SLC43A2: variants seen among roughly 807,000 people sequenced by gnomAD.
SLC43A2 encodes large neutral amino acids transporter small subunit 4.
SLC43A2 carries 38 observed loss-of-function variants against 63.2 expected under a neutral mutation model. The ratio of observed to expected loss-of-function variants is 0.60; its 90% confidence interval spans 0.46 to 0.79. SLC43A2 has a LOEUF of 0.79. SLC43A2 is among the 30% of genes least tolerant of loss of function. The pLI is 0.00. For missense variants in SLC43A2, 644 were observed against 756.2 expected (o/e 0.85, Z 1.74); for synonymous variants, 322 against 331.0 (o/e 0.97, Z 0.30).
At chr17:1,580,664 C>T (rs552154182) in intron 11 of SLC43A2, among the ~76,000 whole-genome samples, 21 of 151,606 alleles carry the variant, frequency 1.4e-4, no homozygotes, top group South Asian at 6.3e-4. Flanking sequence ...TGGGTTCAAG[C>T]GATTGTTCTC....
chr17:1,576,229 A>G (rs1283697221), intron 13 of SLC43A2, among the ~76,000 whole-genome samples: 1 of 151,764 alleles, frequency 6.6e-6, no homozygotes, highest in Non-Finnish European at 1.5e-5. Flanking sequence ...GATTACAGGC[A>G]CCTGCCACCA....
At chr17:1,626,380 T>A (rs1383412032) in intron 2 of SLC43A2, among the ~76,000 whole-genome samples, 2 of 152,114 alleles carry the variant, frequency 1.3e-5, no homozygotes, top group Admixed American at 6.5e-5. Flanking sequence ...GTCTGACTCT[T>A]CCCAACTCCC....
At chr17:1,612,488 G>A (rs943477650) in intron 5 of SLC43A2, among the ~76,000 whole-genome samples, 2 of 152,242 alleles carry the variant, frequency 1.3e-5, no homozygotes, top group African/African-American at 4.8e-5. Context: ...AAAGGCAAAG[G>A]TTGAGGCAGT....
intron 5 of SLC43A2, among the ~76,000 whole-genome samples, chr17:1,597,355 AT>A (rs753431569): frequency 6.7e-6 from 1 of 148,702 alleles, no homozygotes; most frequent in Non-Finnish European, 1.5e-5. Context: ...AAATGCAAAA[AT>A]TAGCCAGGCA....
intron 5 of SLC43A2, chr17:1,604,484 G>A: frequency 3.7e-6 from 2 of 537,904 alleles, no homozygotes; most frequent in South Asian, 2.3e-5. Context: ...TCTGACCTGG[G>A]CCGGTTCAGC....
At chr17:1,612,771 A>T (rs1907241943) in intron 5 of SLC43A2, among the ~76,000 whole-genome samples, 1 of 152,238 alleles carries the variant, frequency 6.6e-6, no homozygotes, top group Admixed American at 6.5e-5. Context: ...CAGGAGTTTG[A>T]GACCAGCCTG....
chr17:1,579,150 ATAAT>A (rs1333820113), intron 11 of SLC43A2, among the ~76,000 whole-genome samples: 3 of 143,216 alleles, frequency 2.1e-5, no homozygotes, highest in African/African-American at 5.2e-5. Flanking sequence ...AAAAAAAAAA[ATAAT>A]AATAATAATA....
chr17:1,580,511 C>T lies in SLC43A2; in HGVS notation c.1351-2188G>A, dbSNP rs138332460. On this transcript the variant is annotated intron_variant, in intron 11 of 13. Coordinates refer to ENST00000301335, the MANE Select transcript of SLC43A2 (RefSeq NM_152346.3). ...CAGGTGGCTGCCCTCTCACCTCCCT[C>T]GTGAAGTGTTTCTTCGCTTTTTGTT... Among the ~76,000 whole-genome samples the T allele has an allele frequency of 1.4e-4, 22 of 152,274 alleles. No homozygotes were observed. The East Asian group carries it at 3.3e-3, about 23-fold the overall frequency.
intron 4 of SLC43A2, among the ~76,000 whole-genome samples, chr17:1,613,516 G>A (rs890753103): frequency 6.6e-6 from 1 of 152,108 alleles, no homozygotes; most frequent in Non-Finnish European, 1.5e-5. Context: ...GCAATGGCAC[G>A]ATCCTGGCTC....
chr17:1,590,158 A>T (rs1346517614), intron 9 of SLC43A2, among the ~76,000 whole-genome samples: 1 of 152,224 alleles, frequency 6.6e-6, no homozygotes, highest in Non-Finnish European at 1.5e-5. Context: ...AGGCTGACTC[A>T]GCTCAGGCCC....
chr17:1,601,866 G>A (rs1003631159), intron 5 of SLC43A2, among the ~76,000 whole-genome samples: 10 of 135,966 alleles, frequency 7.4e-5, no homozygotes, highest in African/African-American at 2.8e-4. Flanking sequence ...CCGCCCTCCC[G>A]AAGGTCCAAA....
chr17:1,584,158 GC>G (rs1167918905), intron 10 of SLC43A2, among the ~76,000 whole-genome samples: 1 of 152,120 alleles, frequency 6.6e-6, no homozygotes, highest in Non-Finnish European at 1.5e-5. Flanking sequence ...CTCCCAAAGT[GC>G]TGGGATTACA....
chr17:1,627,638 A>T, intron 2 of SLC43A2, 77 bp downstream of exon 2: 2 of 943,104 alleles, frequency 2.1e-6, no homozygotes, highest in Non-Finnish European at 3.1e-6. Flanking sequence ...GTGGCTCGCT[A>T]GGTCTTCGCC....
intron 5 of SLC43A2, among the ~76,000 whole-genome samples, chr17:1,611,507 C>T (rs1044177591): frequency 4.0e-5 from 6 of 151,724 alleles, no homozygotes; most frequent in Non-Finnish European, 8.8e-5. Flanking sequence ...TGATGGTGCA[C>T]GCCTATAGTC....
In SLC43A2 at chr17:1,575,461, C is replaced by T. The variant is rs553608436; in HGVS notation, c.*143G>A. ...CTCCCGTCCTTCCACCACAGAGCTC[C>T]GAGGCAGGGCCCCGGGAGGGAGCGT... On this transcript the variant is annotated 3_prime_UTR_variant, in exon 14 of 14. Coordinates refer to ENST00000301335, the MANE Select transcript of SLC43A2 (RefSeq NM_152346.3). 25 of 1,100,946 alleles carry T rather than the reference C, an allele frequency of 2.3e-5. No individual in the cohort carries two copies. Among genetic ancestry groups the T allele is most frequent in the African/African-American group, 1.7e-4 (11 of 64,330 alleles). 68.2% of individuals were successfully genotyped at this position (1,100,946 alleles called of 1,614,324 possible). A position where few individuals can be genotyped will look rare whatever the true frequency, so the allele number is the denominator to read the frequency against.
At chr17:1,585,293 G>T in intron 10 of SLC43A2, 1 of 958,784 alleles carries the variant, frequency 1.0e-6, no homozygotes, top group Non-Finnish European at 1.3e-6. Context: ...CAGGCTGGAA[G>T]TGCAATGGCG....
intron 11 of SLC43A2, among the ~76,000 whole-genome samples, chr17:1,580,197 C>T (rs946659197): frequency 3.3e-5 from 5 of 152,324 alleles, no homozygotes; most frequent in Admixed American, 2.0e-4. Flanking sequence ...GGATTACAGG[C>T]GTGAGCCACC....
intron 5 of SLC43A2, among the ~76,000 whole-genome samples, chr17:1,596,587 AT>A (rs960044317): frequency 5.9e-4 from 87 of 147,938 alleles, no homozygotes; most frequent in South Asian, 1.3e-3. Context: ...TAAATAACCA[AT>A]TTTTTTTTTT....
At chr17:1,617,378 C>T (rs951285243) in intron 2 of SLC43A2, among the ~76,000 whole-genome samples, 2 of 152,106 alleles carry the variant, frequency 1.3e-5, no homozygotes, top group African/African-American at 4.8e-5. Context: ...CCACCTTCTC[C>T]CCCTGATATT....
Sources: allele counts gnomAD v4.1 joint callset (sites outside exome capture counted in the v4.1 genomes callset), GRCh38; gene constraint gnomAD v4.1.1; transcripts MANE v1.5; gene names NCBI Gene and HGNC (gene_info 2026-07-23, HGNC 2026-07-21).